Variants in SETD1A observed in about 807,000 individuals in gnomAD.
The protein encoded by SETD1A is histone-lysine N-methyltransferase SETD1A.
SETD1A carries 29 observed loss-of-function variants against 149.9 expected under a neutral mutation model. That is an observed-to-expected ratio of 0.19 (90% CI 0.14 to 0.26). The LOEUF is 0.26. SETD1A is among the 10% of genes least tolerant of loss of function. The pLI, the probability that SETD1A is intolerant of heterozygous loss-of-function variation, is 1.00. For missense variants in SETD1A, 2,109 were observed against 2,353.1 expected, an observed-to-expected ratio of 0.90 and a Z score of 2.15; for synonymous variants, 1,141 against 968.5, an observed-to-expected ratio of 1.18 and a Z score of -3.31.
Position 30,984,052 on chromosome 16 carries a change from T to C in SETD1A, c.*29T>C. The C allele has an allele frequency of 6.3e-7, 1 of 1,593,274 alleles. No individual in the cohort carries two copies. The highest frequency in any genetic ancestry group is 8.6e-7 in the Non-Finnish European group (1 of 1,168,456). On this transcript the variant is annotated 3_prime_UTR_variant, in exon 19 of 19. Transcript: ENST00000262519. Reference sequence around the variant, plus strand: ...GGGGCAGGATGGGTGCCCACACCCCTATTTATTCCCCCTGGTGCCCTGAGC... The same window carrying C: ...GGGGCAGGATGGGTGCCCACACCCCCATTTATTCCCCCTGGTGCCCTGAGC...
rs1385833003 is a variant in SETD1A at position 30,979,458 on chromosome 16, G to T, written c.3672G>T (p.Glu1224Asp). ...HASLVKSWPE[E>D]VSRGGRSRAG... ...CTCTGGTCAAGAGTTGGCCCGAGGA[G>T]GTGTCCCGAGGAGGCCGGAGCCGGG... The change falls in exon 14 of 19, where the codon GAG becomes GAT. Residue 1224 changes from glutamate to aspartate, a missense_variant. Physicochemically the swap from Glu to Asp is conservative, Grantham distance 45. Transcript: ENST00000262519. The T allele has an allele frequency of 5.6e-6, 9 of 1,601,862 alleles. No homozygotes were observed. Among genetic ancestry groups the T allele is most frequent in the Middle Eastern group, 3.3e-4 (2 of 6,066 alleles).
At chr16:30,975,428 C>CTTTTTT (rs1335608657) in intron 13 of SETD1A, among the ~76,000 whole-genome samples, 1 of 136,416 alleles carries the variant, frequency 7.3e-6, no homozygotes, top group Non-Finnish European at 1.6e-5. Context: ...CAACCTCTCC[C>CTTTTTT]TTTTTTTTTT....
chr16:30,971,600 C>T lies in SETD1A; in HGVS notation c.3239C>T (p.Pro1080Leu). 1.9e-6 allele frequency: 3 copies of T among 1,613,920 alleles called. No individual in the cohort carries two copies. The South Asian group carries it at 3.3e-5, about 18-fold the overall frequency. Reference protein sequence around the residue: ...RPAALPSASPPPREVPVPTPA... With the variant: ...RPAALPSASPLPREVPVPTPA... Reference sequence around the variant, plus strand: ...GCAGCCCTTCCCTCAGCCTCCCCGCCCCCCAGAGAAGTCCCAGTGCCCACG... The same window carrying T: ...GCAGCCCTTCCCTCAGCCTCCCCGCTCCCCAGAGAAGTCCCAGTGCCCACG... The change falls in exon 13 of 19, where the codon CCC becomes CTC. Residue 1080 changes from proline to leucine, a missense_variant. Physicochemically the swap from Pro to Leu is moderately conservative, Grantham distance 98. This residue lies in a region of SETD1A where 832 missense variants were observed against 815.6 expected (regional missense o/e 1.02). Transcript: ENST00000262519.
Position 30,980,999 on chromosome 16 carries a change from G to A in SETD1A, c.4693-62G>A. Reference sequence around the variant, plus strand: ...CACCCTCTGCCCAGGAAGTCTGTGGGAAGAGTGAGGGTCTGGGGTGTGGGA... The same window carrying A: ...CACCCTCTGCCCAGGAAGTCTGTGGAAAGAGTGAGGGTCTGGGGTGTGGGA... On this transcript the variant is annotated intron_variant, in intron 16 of 18. Transcript: ENST00000262519. The surrounding 1 kb of genome is among the most constrained non-coding windows in gnomAD (Gnocchi z 7.7). 6.2e-7 allele frequency: 1 copy of A among 1,604,728 alleles called. No homozygotes were observed. The highest frequency in any genetic ancestry group is 8.5e-7 in the Non-Finnish European group (1 of 1,173,822).
intron 13 of SETD1A, among the ~76,000 whole-genome samples, chr16:30,974,871 G>A (rs959047907): frequency 2.5e-4 from 38 of 152,076 alleles, no homozygotes; most frequent in African/African-American, 7.7e-4. Flanking sequence ...GGCTGGGTGC[G>A]GTGGCTCACG....
At chr16:30,968,967 A>G (rs2056189559) in intron 10 of SETD1A, among the ~76,000 whole-genome samples, 1 of 151,678 alleles carries the variant, frequency 6.6e-6, no homozygotes, top group Non-Finnish European at 1.5e-5. Flanking sequence ...TTAGCTGGGT[A>G]TGATTGCATG....
intron 13 of SETD1A, 114 bp from the exon 14 acceptor site, chr16:30,979,031 C>A: frequency 9.2e-7 from 1 of 1,090,070 alleles, no homozygotes. Context: ...GTGTTCCCTC[C>A]GGGGTTCCTG....
chr16:30,965,538 C>G, intron 7 of SETD1A, 63 bp from the exon 8 acceptor site: 7 of 1,592,596 alleles, frequency 4.4e-6, no homozygotes, highest in Non-Finnish European at 6.0e-6. Flanking sequence ...GGAAGGGAAC[C>G]AGATGAGAAA....
Position 30,964,298 on chromosome 16 carries a change from T to C in SETD1A, c.844T>C (p.Ser282Pro). The change falls in exon 6 of 19, where the codon TCT becomes CCT. Residue 282 changes from serine (S) to proline (P), a missense_variant. Ser to Pro is a moderately conservative substitution (Grantham distance 74). This residue lies in a region of SETD1A where 410 missense variants were observed against 394.8 expected (regional missense o/e 1.04). Coordinates refer to ENST00000262519, the MANE Select transcript of SETD1A (RefSeq NM_014712.3). ...CACGTCTCGGGGCAGCACCCCCTAC[T>C]CTCAGGACTCTGCCTACTCCAGCAG... ...PYTSRGSTPY[S>P]QDSAYSSSTT... 1 of 1,613,706 alleles carries C rather than the reference T, an allele frequency of 6.2e-7. No individual in the cohort carries two copies. Among genetic ancestry groups the C allele is most frequent in the South Asian group, 1.1e-5 (1 of 91,064 alleles).
chr16:30,965,523 G>A (rs917562085), intron 7 of SETD1A, 62 bp downstream of exon 7: 1 of 1,589,512 alleles, frequency 6.3e-7, no homozygotes, highest in African/African-American at 1.3e-5. Context: ...GGGCCTAGGG[G>A]AGAGGGAAGG....
chr16:30,978,152 T>C (rs2056309251), intron 13 of SETD1A, among the ~76,000 whole-genome samples: 1 of 151,668 alleles, frequency 6.6e-6, no homozygotes, highest in East Asian at 1.9e-4. Context: ...TGCATGCCTG[T>C]AGTCCCAGCT....
intron 12 of SETD1A, among the ~76,000 whole-genome samples, chr16:30,970,134 A>AT (rs1261528130): frequency 3.3e-5 from 5 of 151,032 alleles, no homozygotes; most frequent in African/African-American, 4.9e-5. Flanking sequence ...CCCCCAGCTA[A>AT]TTTTTTGTAT....
chr16:30,982,759 G>A (rs148546504), intron 17 of SETD1A, among the ~76,000 whole-genome samples: 1,926 of 152,024 alleles, frequency 0.013, 23 homozygotes, highest in Non-Finnish European at 0.017. Context: ...AGGGTGGCCC[G>A]ACCCAAGCAG....
chr16:30,970,908 G>A (rs1043018923), intron 12 of SETD1A, among the ~76,000 whole-genome samples: 6 of 152,322 alleles, frequency 3.9e-5, no homozygotes, highest in Middle Eastern at 3.4e-3. Flanking sequence ...CCGTACATGA[G>A]CAGTCTCAGA....
intron 17 of SETD1A, among the ~76,000 whole-genome samples, chr16:30,981,944 G>A (rs753411670): frequency 4.8e-4 from 73 of 151,680 alleles, no homozygotes; most frequent in Non-Finnish European, 9.0e-4. Flanking sequence ...GGGTGAGACC[G>A]TGTCTCTAGA....
At chr16:30,958,263 C>T (rs2055992821) in intron 1 of SETD1A, 1 of 142,562 alleles carries the variant, frequency 7.0e-6, no homozygotes. Context: ...GGGTCTCGGG[C>T]TCGGTCTCGC....
Position 30,966,936 on chromosome 16 carries a change from C to T in SETD1A, c.2558C>T (p.Thr853Met), listed in dbSNP as rs745926838. The change falls in exon 9 of 19, where the codon ACG (threonine) becomes ATG (methionine). Residue 853 changes from threonine (T) to methionine (M), a missense_variant. Physicochemically the swap from Thr to Met is moderately conservative, Grantham distance 81. Transcript: ENST00000262519. ...QQAKEEDKEK[T>M]KLKEPGLLSL... ...GCCAAGGAGGAGGATAAAGAGAAGA[C>T]GAAGCTGAAGGAGCCTGGCCTGCTG... The T allele has an allele frequency of 2.3e-5, 37 of 1,576,478 alleles. 1 individual carries two copies. The South Asian group carries it at 2.8e-4, about 12-fold the overall frequency.
At position 30,961,602 on chromosome 16, in the gene SETD1A, G is replaced by C; in HGVS notation, c.517+65G>C. 6.5e-7 allele frequency: 1 copy of C among 1,528,624 alleles called. No homozygotes were observed. The highest frequency in any genetic ancestry group is 8.9e-7 in the Non-Finnish European group (1 of 1,119,448). 94.7% of individuals were successfully genotyped at this position (1,528,624 alleles called of 1,614,324 possible). ...GCGGAGGTTGTACATGCAAATGCCT[G>C]TCAGGGTCAGGCAGGCGCCCAGGGT... On this transcript the variant is annotated intron_variant, in intron 4 of 18. Coordinates refer to ENST00000262519, the MANE Select transcript of SETD1A (RefSeq NM_014712.3). This position sits in a 1 kb window ranked among gnomAD's most constrained non-coding sequence, Gnocchi z 4.0.
At chr16:30,962,400 A>G (rs1258857601) in intron 4 of SETD1A, among the ~76,000 whole-genome samples, 1 of 151,980 alleles carries the variant, frequency 6.6e-6, no homozygotes, top group African/African-American at 2.4e-5. Context: ...TCTATAACCC[A>G]TATAGGTTTT....
Sources: gnomAD v4.1 joint callset for allele counts (sites outside exome capture counted in the v4.1 genomes callset) on GRCh38, gnomAD v4.1.1 for gene constraint, gnomAD v4.1.1 regional missense constraint, Gnocchi (gnomAD v3.1) non-coding constraint, MANE v1.5 for transcripts, NCBI Gene and HGNC (gene_info 2026-07-23, HGNC 2026-07-21) for gene names.